Variants in ZSCAN25 observed in about 807,000 individuals in gnomAD.
The protein encoded by ZSCAN25 is zinc finger and SCAN domain-containing protein 25.
ZSCAN25 carries 27 observed loss-of-function variants against 38.7 expected under a neutral mutation model. The ratio of observed to expected loss-of-function variants is 0.70; its 90% confidence interval spans 0.51 to 0.96. The LOEUF (loss-of-function observed/expected upper bound fraction) is 0.96, where lower values mean the gene tolerates loss of function less well. Among genes scored for constraint, ZSCAN25 ranks in the 40% least tolerant of loss-of-function variants. The probability of loss-of-function intolerance (pLI) is 0.00; values close to 1 mark genes in which losing one functional copy is unlikely to be tolerated. For missense variants in ZSCAN25, 637 were observed against 705.9 expected (o/e 0.90, Z 1.11); for synonymous variants, 273 against 277.7 (o/e 0.98, Z 0.17).
the ZSCAN25 span, among the ~76,000 whole-genome samples, chr7:99,718,200 C>A: frequency 3.3e-5 from 5 of 151,876 alleles, no homozygotes; most frequent in Non-Finnish European, 7.4e-5. Context: ...TACAGCACAC[C>A]AACATGGCAC....
the ZSCAN25 span, among the ~76,000 whole-genome samples, chr7:99,697,058 A>G: frequency 6.6e-6 from 1 of 152,162 alleles, no homozygotes; most frequent in Non-Finnish European, 1.5e-5. Context: ...AGCCAATTAA[A>G]TCTCTTTTAT....
the ZSCAN25 span, chr7:99,663,870 C>CT: frequency 6.9e-7 from 1 of 1,452,052 alleles, no homozygotes; most frequent in Non-Finnish European, 9.0e-7. Flanking sequence ...AGTTCTCTGT[C>CT]TTTATTTTTA....
the ZSCAN25 span, among the ~76,000 whole-genome samples, chr7:99,699,079 G>A: frequency 2.2e-4 from 33 of 152,076 alleles, no homozygotes; most frequent in African/African-American, 2.4e-4. Context: ...CCAGTGAGAG[G>A]GTTCATCCTC....
the ZSCAN25 span, among the ~76,000 whole-genome samples, chr7:99,729,499 G>C: frequency 6.6e-6 from 1 of 152,052 alleles, no homozygotes; most frequent in African/African-American, 2.4e-5. Context: ...AATATAAAAA[G>C]ACAGGAATGT....
At chr7:99,689,787 A>G in the ZSCAN25 span, among the ~76,000 whole-genome samples, 2 of 152,184 alleles carry the variant, frequency 1.3e-5, no homozygotes, top group African/African-American at 4.8e-5. Flanking sequence ...CCACTGCTCA[A>G]TGAAATAAAA....
At chr7:99,695,843 C>T in the ZSCAN25 span, 5 of 1,612,822 alleles carry the variant, frequency 3.1e-6, no homozygotes, top group African/African-American at 6.7e-5. Flanking sequence ...TCCATATCTA[C>T]AAACTGAATC....
chr7:99,637,937 A>G, the ZSCAN25 span, among the ~76,000 whole-genome samples: 18 of 152,364 alleles, frequency 1.2e-4, no homozygotes, highest in African/African-American at 2.4e-4. Context: ...AAAAAAATCA[A>G]TTATTACAAA....
chr7:99,737,264 A>G, the ZSCAN25 span, among the ~76,000 whole-genome samples: 1 of 152,182 alleles, frequency 6.6e-6, no homozygotes, highest in Non-Finnish European at 1.5e-5. Flanking sequence ...GAAGGGAGAT[A>G]TTAGGTCCTC....
the ZSCAN25 span, among the ~76,000 whole-genome samples, chr7:99,653,765 GT>G: frequency 1.3e-5 from 2 of 152,204 alleles, no homozygotes; most frequent in Admixed American, 1.3e-4. This position sits in a 1 kb window ranked among gnomAD's most constrained non-coding sequence, Gnocchi z 4.2. Flanking sequence ...AAGAATCCCA[GT>G]TTGGGCAGAA....
intron 7 of ZSCAN25, among the ~76,000 whole-genome samples, chr7:99,628,515 G>T (rs1384643119): frequency 6.6e-6 from 1 of 152,252 alleles, no homozygotes; most frequent in Non-Finnish European, 1.5e-5. Flanking sequence ...CATTTCAGCA[G>T]CGTCATGGTC....
Position 99,621,517 on chromosome 7 carries a change from A to G in ZSCAN25, c.532A>G (p.Thr178Ala). ...GEGVQGPDPGTEEQLSQDPGD... is the reference protein window; with the variant it reads ...GEGVQGPDPGAEEQLSQDPGD... ...AGGAGTTCAAGGTCCAGACCCAGGT[A>G]CCGAGGAGCAGCTCAGTCAGGACCC... The change falls in exon 5 of 8, where the codon ACC becomes GCC. Residue 178 changes from threonine (T) to alanine (A), a missense_variant. By Grantham distance (58) the Thr-to-Ala change is moderately conservative. Coordinates refer to ENST00000394152, the MANE Select transcript of ZSCAN25 (RefSeq NM_145115.3). 1.3e-6 allele frequency: 2 copies of G among 1,562,910 alleles called. No individual in the cohort carries two copies. Among genetic ancestry groups the G allele is most frequent in the Non-Finnish European group, 1.7e-6 (2 of 1,147,894 alleles).
Position 99,621,456 on chromosome 7 carries a change from G to T in ZSCAN25, c.471G>T (p.Val157=), listed in dbSNP as rs146750525. Residue 157 remains valine (V), a synonymous_variant, in exon 5 of 8, where the codon GTG becomes GTT. Transcript: ENST00000394152. ...AGCCAGGCATCCAGCTGGGGCCAGTGGAGGTCAAGCCTGAATGGGGGATGC... is the reference window on the plus strand; with the variant it reads ...AGCCAGGCATCCAGCTGGGGCCAGTTGAGGTCAAGCCTGAATGGGGGATGC... ...AWEPGIQLGP[V]EVKPEWGMPP... is the part of the protein sequence containing the mutation. 286 of 1,564,826 alleles carry T rather than the reference G, an allele frequency of 1.8e-4. No individual in the cohort carries two copies. The African/African-American group carries it at 3.5e-3, about 19-fold the overall frequency.
chr7:99,628,408 C>T (rs1319055772), intron 7 of ZSCAN25, among the ~76,000 whole-genome samples: 4 of 151,800 alleles, frequency 2.6e-5, no homozygotes, highest in African/African-American at 4.8e-5. Flanking sequence ...TTTTTTTCTC[C>T]TCCCCTTTCT....
At chr7:99,732,893 G>C in the ZSCAN25 span, among the ~76,000 whole-genome samples, 1 of 152,194 alleles carries the variant, frequency 6.6e-6, no homozygotes. Flanking sequence ...ACCATAAAAT[G>C]TTCCAGATAG....
downstream of ZSCAN25, among the ~76,000 whole-genome samples, chr7:99,634,727 G>A (rs190126419): frequency 3.3e-4 from 50 of 152,320 alleles, no homozygotes; most frequent in Admixed American, 7.2e-4. Context: ...AACCCGGGAG[G>A]CGGAGCTTGC....
rs1182247728 is a variant in ZSCAN25 at position 99,622,649 on chromosome 7, T to C, written c.681+9T>C. ...TTACTGCTGGATCGCAGGTGAGCTC[T>C]GACTCCCTTTGCAGAAATCATGACC... On this transcript the variant is annotated intron_variant, in intron 6 of 7. Coordinates refer to ENST00000394152, the MANE Select transcript of ZSCAN25 (RefSeq NM_145115.3). 9 of 1,613,120 alleles carry C rather than the reference T, an allele frequency of 5.6e-6. No individual in the cohort carries two copies. The highest frequency in any genetic ancestry group is 3.3e-5 in the Admixed American group (2 of 59,880).
chr7:99,709,916 C>T, the ZSCAN25 span, among the ~76,000 whole-genome samples: 1 of 151,948 alleles, frequency 6.6e-6, no homozygotes, highest in African/African-American at 2.4e-5. Flanking sequence ...CCTTTCTATC[C>T]CAAATATGAC....
At chr7:99,673,048 A>G in the ZSCAN25 span, 8 of 250,858 alleles carry the variant, frequency 3.2e-5, no homozygotes, top group Admixed American at 1.2e-4. Flanking sequence ...AAAATACTTC[A>G]TTATCAAAAA....
the ZSCAN25 span, chr7:99,638,488 G>A: frequency 6.6e-7 from 1 of 1,504,256 alleles, no homozygotes; most frequent in Non-Finnish European, 9.2e-7. Context: ...TCGGTGCGGT[G>A]GCAGTCGGCA....
Sources: allele counts gnomAD v4.1 joint callset (sites outside exome capture counted in the v4.1 genomes callset), GRCh38; gene constraint gnomAD v4.1.1; non-coding constraint Gnocchi (gnomAD v3.1); transcripts MANE v1.5; gene names NCBI Gene and HGNC (gene_info 2026-07-23, HGNC 2026-07-21).